MIDN: variants seen among roughly 807,000 people sequenced by gnomAD.
MIDN encodes the protein midnolin.
A neutral mutation model predicts 46.1 loss-of-function variants in MIDN; 26 were observed. The ratio of observed to expected loss-of-function variants is 0.56; its 90% CI spans 0.41 to 0.78. The LOEUF is 0.78. Ranked by LOEUF, MIDN falls within the 30% of genes least tolerant of loss-of-function variation. The pLI, the probability that MIDN is intolerant of heterozygous loss-of-function variation, is 0.00. For synonymous variants in MIDN, 432 were observed against 343.3 expected (o/e 1.26, Z -2.86); for missense variants, 850 against 771.8 (o/e 1.10, Z -1.20).
Position 1,250,511 on chromosome 19 carries a change from C to A in MIDN, c.215C>A (p.Ala72Asp). The A allele has an allele frequency of 1.5e-6, 2 of 1,320,056 alleles. No individual in the cohort carries two copies. The highest frequency in any genetic ancestry group is 9.9e-7 in the Non-Finnish European group (1 of 1,009,930). 81.8% of individuals were successfully genotyped at this position (1,320,056 alleles called of 1,614,324 possible). A position where few individuals can be genotyped will look rare whatever the true frequency, so the allele number is the denominator to read the frequency against. The change falls in exon 2 of 9, where the codon GCT (alanine) becomes GAT (aspartate). Residue 72 changes from alanine (A) to aspartate (D), a missense_variant. By Grantham distance (126) the Ala-to-Asp change is moderately radical. Coordinates refer to ENST00000682408, the MANE Select transcript of MIDN (RefSeq NM_001388306.1). The stretch of plus-strand genomic sequence containing the variant: ...CTCAAAGTGCCCAAGGAGCGCCTGG[C>A]TCTTCTCCACAAAGACACGTAGGTA... ...QRLKVPKERLALLHKDTRLSS... is the reference protein window; with the variant it reads ...QRLKVPKERLDLLHKDTRLSS...
chr19:1,255,269 G>A (rs2081184757), intron 7 of MIDN, among the ~76,000 whole-genome samples, 153 bp from the exon 8 acceptor site: 3 of 151,974 alleles, frequency 2.0e-5, no homozygotes, highest in Admixed American at 1.3e-4. Context: ...GCATACTGGG[G>A]ACGTGTCCCG....
Position 1,255,528 on chromosome 19 carries a change from G to A in MIDN, c.1092G>A (p.Gln364=). ...TCCTGAGCGCCACCCGGCACTACCA[G>A]GGCATGCCCCCTTCGCTGGCCCAGC... The part of the protein sequence containing the change: ...NDLLSATRHY[Q]GMPPSLAQLR... The change falls in exon 8 of 9, where the codon CAG becomes CAA. Residue 364 remains glutamine, a synonymous_variant. Coordinates refer to ENST00000682408, the MANE Select transcript of MIDN (RefSeq NM_001388306.1). 6.2e-7 allele frequency: 1 copy of A among 1,612,010 alleles called. No individual in the cohort carries two copies. The highest frequency in any genetic ancestry group is 1.1e-5 in the South Asian group (1 of 90,998).
intron 2 of MIDN, among the ~76,000 whole-genome samples, chr19:1,251,015 C>T (rs2081120049): frequency 6.6e-6 from 1 of 151,472 alleles, no homozygotes; most frequent in Non-Finnish European, 1.5e-5. Context: ...CCGCGGGCCT[C>T]CGGGGACACG....
rs2081228699 is a variant in MIDN at position 1,258,465 on chromosome 19, C to T, written c.*1193C>T. On this transcript the variant is annotated 3_prime_UTR_variant, in exon 9 of 9. Coordinates refer to ENST00000682408, the MANE Select transcript of MIDN (RefSeq NM_001388306.1). ...TGTCTCCAGAGGGGAGGGACAAATC[C>T]CCTACTGGGGCCATTTCAATGGGGT... The T allele has an allele frequency of 6.6e-6, 1 of 152,508 alleles. No homozygotes were observed. Among genetic ancestry groups the T allele is most frequent in the African/African-American group, 2.4e-5 (1 of 41,430 alleles). The allele number at this position is 152,508 out of a possible 1,614,324, so 9.4% of individuals were successfully genotyped here. A position where few individuals can be genotyped will look rare whatever the true frequency, so the allele number is the denominator to read the frequency against.
At position 1,255,063 on chromosome 19, in the gene MIDN, T is replaced by C. The variant is rs758171584; in HGVS notation, c.985+2T>C. 6.2e-7 allele frequency: 1 copy of C among 1,611,340 alleles called. No individual in the cohort carries two copies. Among genetic ancestry groups the C allele is most frequent in the Admixed American group, 1.7e-5 (1 of 59,892 alleles). Reference sequence around the variant, plus strand: ...GGGTCTTCTCAGGGACCTTCTCTGGTAGGTGTCACAGCACATGTGTGAGCT... The same window carrying C: ...GGGTCTTCTCAGGGACCTTCTCTGGCAGGTGTCACAGCACATGTGTGAGCT... On this transcript the variant is annotated splice_donor_variant, in intron 7 of 8. Coordinates refer to ENST00000682408, the MANE Select transcript of MIDN (RefSeq NM_001388306.1). LOFTEE classifies it high-confidence loss of function.
At chr19:1,251,037 C>T (rs1376445894) in intron 2 of MIDN, among the ~76,000 whole-genome samples, 1 of 151,986 alleles carries the variant, frequency 6.6e-6, no homozygotes, top group Non-Finnish European at 1.5e-5. Context: ...AGTGTCCATC[C>T]CAGTGGAGGG....
intron 6 of MIDN, 38 bp from the exon 7 acceptor site, chr19:1,254,864 C>T: frequency 6.4e-7 from 1 of 1,572,222 alleles, no homozygotes. Context: ...ATCCCCTGAT[C>T]CTGGACCCCG....
chr19:1,255,382 T>C, intron 7 of MIDN, 40 bp from the exon 8 acceptor site: 3 of 1,541,028 alleles, frequency 1.9e-6, no homozygotes, highest in African/African-American at 1.4e-5. Context: ...CATGCGGGAC[T>C]GTGCCCGTGC....
At position 1,257,285 on chromosome 19, in the gene MIDN, G is replaced by C. The variant is rs747594530; in HGVS notation, c.*13G>C. 9 of 1,609,158 alleles carry C rather than the reference G, an allele frequency of 5.6e-6. No individual in the cohort carries two copies. The highest frequency in any genetic ancestry group is 7.6e-6 in the Non-Finnish European group (9 of 1,177,754). On this transcript the variant is annotated 3_prime_UTR_variant, in exon 9 of 9. Transcript: ENST00000682408. ...CGTGGTGGCTTAGGATCTTCGGATC[G>C]GCCACCCTCGCCCCTCGCACCCCAG...
rs377700904 is a variant in MIDN, at chr19:1,251,862, G to C, written c.345G>C (p.Gln115His). The C allele has an allele frequency of 6.2e-7, 1 of 1,613,554 alleles. No homozygotes were observed. Among genetic ancestry groups the C allele is most frequent in the Non-Finnish European group, 8.5e-7 (1 of 1,179,808 alleles). ...GLMSQASRPE[Q>H]SVMQALESLT... is the part of the protein sequence containing the mutation. Reference sequence around the variant, plus strand: ...AGTCTCAGGCCTCAAGGCCGGAACAGTCCGTGATGCAAGCTCTCGAGAGTC... The same window carrying C: ...AGTCTCAGGCCTCAAGGCCGGAACACTCCGTGATGCAAGCTCTCGAGAGTC... Residue 115 changes from glutamine to histidine, a missense_variant, in exon 4 of 9, where the codon CAG becomes CAC. By Grantham distance (24) the Gln-to-His change is conservative. Transcript: ENST00000682408.
In MIDN at chr19:1,255,404, G is replaced by A. The variant is rs764714611; in HGVS notation, c.986-18G>A. On this transcript the variant is annotated intron_variant, in intron 7 of 8. Transcript: ENST00000682408. ...GACTGTGCCCGTGCCGGGCACTCAC[G>A]GCCACCTCTGCCCGCAGGCACGCTA... The A allele has an allele frequency of 4.9e-5, 77 of 1,566,372 alleles. No homozygotes were observed. The Middle Eastern group carries it at 1.3e-3, about 27-fold the overall frequency.
intron 5 of MIDN, 40 bp downstream of exon 5, chr19:1,254,122 C>A: frequency 6.4e-7 from 1 of 1,559,078 alleles, no homozygotes; most frequent in Non-Finnish European, 8.6e-7. Flanking sequence ...GGGCTGGGGG[C>A]GCCGCAAGCT....
chr19:1,251,753 G>A, intron 3 of MIDN, 86 bp from the exon 4 acceptor site: 2 of 1,515,030 alleles, frequency 1.3e-6, no homozygotes, highest in Non-Finnish European at 1.8e-6. Flanking sequence ...CCCCCACCCC[G>A]CCAGCCAGCA....
At chr19:1,251,794 G>A in intron 3 of MIDN, 45 bp from the exon 4 acceptor site, 36 of 1,594,480 alleles carry the variant, frequency 2.3e-5, no homozygotes, top group Non-Finnish European at 3.0e-5. Context: ...TCCAGCCCAG[G>A]ATTCCGACCC....
At chr19:1,254,830 T>C (rs950053164) in intron 6 of MIDN, 72 bp from the exon 7 acceptor site, 12 of 1,508,280 alleles carry the variant, frequency 8.0e-6, no homozygotes, top group African/African-American at 1.4e-5. Flanking sequence ...TGGTGGGTGA[T>C]CTCTGGTCCC....
Position 1,254,294 on chromosome 19 carries a change from C to T in MIDN, c.641C>T (p.Ala214Val). ...CTGCAACACCGCCATGTGCTGGCCG[C>T]TGCGGCCGCCGCCGCTGCTGCGCGG... Reference protein sequence around the residue: ...APLQHRHVLAAAAAAAAARGD... With the variant: ...APLQHRHVLAVAAAAAAARGD... The change falls in exon 6 of 9, where the codon GCT (alanine) becomes GTT (valine). Residue 214 changes from alanine (A) to valine (V), a missense_variant. Ala to Val is a moderately conservative substitution (Grantham distance 64, BLOSUM62 0). Coordinates refer to ENST00000682408, the MANE Select transcript of MIDN (RefSeq NM_001388306.1). 1 of 1,569,944 alleles carries T rather than the reference C, an allele frequency of 6.4e-7. No individual in the cohort carries two copies. The highest frequency in any genetic ancestry group is 8.6e-7 in the Non-Finnish European group (1 of 1,165,564).
rs368475536 is a variant in MIDN at position 1,254,324 on chromosome 19, A to T, written c.671A>T (p.Asp224Val). The change falls in exon 6 of 9, where the codon GAC becomes GTC. Residue 224 changes from aspartate (D) to valine (V), a missense_variant. Asp to Val is a radical substitution (Grantham distance 152). Coordinates refer to ENST00000682408, the MANE Select transcript of MIDN (RefSeq NM_001388306.1). Reference sequence around the variant, plus strand: ...GCCGCCGCCGCTGCTGCGCGGGGGGACCCCAGCATAGCCTCCCCCGTGTCC... The same window carrying T: ...GCCGCCGCCGCTGCTGCGCGGGGGGTCCCCAGCATAGCCTCCCCCGTGTCC... ...AAAAAAAARG[D>V]PSIASPVSSP... The T allele has an allele frequency of 1.4e-5, 22 of 1,567,160 alleles. No individual in the cohort carries two copies. Among genetic ancestry groups the T allele is most frequent in the Non-Finnish European group, 1.9e-5 (22 of 1,163,756 alleles).
In MIDN at chr19:1,257,434, T is replaced by C. The variant is rs912094597; in HGVS notation, c.*162T>C. The C allele has an allele frequency of 8.2e-6, 5 of 611,500 alleles. No individual in the cohort carries two copies. Among genetic ancestry groups the C allele is most frequent in the Non-Finnish European group, 1.4e-5 (5 of 352,806 alleles). 37.9% of individuals were successfully genotyped at this position (611,500 alleles called of 1,614,324 possible). A position where few individuals can be genotyped will look rare whatever the true frequency, so the allele number is the denominator to read the frequency against. ...TTCTTTTTTATTATTTTTTTCTTTTTTTAAAAAGTTCTGACCGTGGTTTCC... is the reference window on the plus strand; with the variant it reads ...TTCTTTTTTATTATTTTTTTCTTTTCTTAAAAAGTTCTGACCGTGGTTTCC... On this transcript the variant is annotated 3_prime_UTR_variant, in exon 9 of 9. Coordinates refer to ENST00000682408, the MANE Select transcript of MIDN (RefSeq NM_001388306.1).
chr19:1,253,036 G>A (rs1240869491), intron 4 of MIDN, among the ~76,000 whole-genome samples: 1 of 146,252 alleles, frequency 6.8e-6, no homozygotes, highest in Non-Finnish European at 1.5e-5. Context: ...AGCTGGGTTG[G>A]GGGGGGCTGG....
Sources: allele counts gnomAD v4.1 joint callset (sites outside exome capture counted in the v4.1 genomes callset), GRCh38; gene constraint gnomAD v4.1.1; transcripts MANE v1.5; gene names NCBI Gene and HGNC (gene_info 2026-07-23, HGNC 2026-07-21).